The following LAMA2 variants were observed in gnomAD, a reference collection of about 807,000 sequenced individuals.
LAMA2 encodes the protein laminin subunit alpha 2, also known as laminin subunit alpha-2.
A neutral mutation model predicts 364.8 loss-of-function variants in LAMA2; 269 were observed. The observed-to-expected ratio is 0.74, with a 90% CI of 0.67 to 0.82. The LOEUF is 0.82. Among genes scored for constraint, LAMA2 ranks in the 40% least tolerant of loss-of-function variants. The probability of loss-of-function intolerance (pLI) is 0.00; values close to 1 mark genes in which losing one functional copy is unlikely to be tolerated. For synonymous variants in LAMA2, 1,379 were observed against 1,370.6 expected (o/e 1.01, Z -0.14); for missense variants, 3,807 against 3,873.2 (o/e 0.98, Z 0.45).
At chr6:129,191,919 G>A (rs1781541272) in intron 11 of LAMA2, among the ~76,000 whole-genome samples, 1 of 152,172 alleles carries the variant, frequency 6.6e-6, no homozygotes, top group African/African-American at 2.4e-5. Flanking sequence ...TAGAGGTGTA[G>A]CTGTAGGCCT....
chr6:129,111,939 T>G (rs1274784793), intron 4 of LAMA2, among the ~76,000 whole-genome samples: 2 of 152,092 alleles, frequency 1.3e-5, no homozygotes, highest in Middle Eastern at 3.4e-3. Flanking sequence ...GTTTGGGAAC[T>G]GTGTTGTTTT....
intron 1 of LAMA2, among the ~76,000 whole-genome samples, chr6:129,023,255 C>G (rs1395907029): frequency 6.6e-6 from 1 of 152,126 alleles, no homozygotes; most frequent in Non-Finnish European, 1.5e-5. Flanking sequence ...CATGTCTTTT[C>G]ACTCCATCTT....
rs371162111 is a variant in LAMA2, at chr6:129,442,232, C to G, written c.6269-831C>G. The G allele has an allele frequency of 7.2e-5, 95 of 1,312,062 alleles. No homozygotes were observed. The African/African-American group carries it at 1.4e-3, about 19-fold the overall frequency. The allele number at this position is 1,312,062 out of a possible 1,614,324, so 81.3% of individuals were successfully genotyped here. On this transcript the variant is annotated intron_variant, in intron 43 of 64. Transcript: ENST00000421865. ...CAGCATCCTAGCCTCAAATCAAATC[C>G]TATGGATGCTATGATATAATAGACA...
chr6:129,390,995 C>G (rs578237978), intron 35 of LAMA2, among the ~76,000 whole-genome samples: 1 of 152,186 alleles, frequency 6.6e-6, no homozygotes, highest in African/African-American at 2.4e-5. Context: ...TTCTTCACTC[C>G]TTTAAAAAAT....
intron 35 of LAMA2, among the ~76,000 whole-genome samples, chr6:129,390,206 T>G (rs1297343518): frequency 6.6e-6 from 1 of 152,174 alleles, no homozygotes. Context: ...GAAGGCTTGT[T>G]AAAGCCCAGA....
Position 129,007,078 on chromosome 6 carries a change from G to A in LAMA2, c.113-42840G>A, listed in dbSNP as rs550443347. Among the ~76,000 whole-genome samples, 3 of 152,212 alleles carry A rather than the reference G, an allele frequency of 2.0e-5. No individual in the cohort carries two copies. In the South Asian group the frequency reaches 6.2e-4, roughly 32 times the overall value. On this transcript the variant is annotated intron_variant, in intron 1 of 64. Coordinates refer to ENST00000421865, the MANE Select transcript of LAMA2 (RefSeq NM_000426.4). Reference sequence around the variant, plus strand: ...TACAGTGTTTCCACTGAAAGTTTAAGTGCCTGTTCCCCATCGTGGCTCCTG... The same window carrying A: ...TACAGTGTTTCCACTGAAAGTTTAAATGCCTGTTCCCCATCGTGGCTCCTG...
Position 129,402,428 on chromosome 6 carries a change from G to A in LAMA2, c.5667G>A (p.Lys1889=), listed in dbSNP as rs372916842. The A allele has an allele frequency of 1.9e-6, 3 of 1,613,984 alleles. No individual in the cohort carries two copies. In the African/African-American group the frequency reaches 4.0e-5, roughly 22 times the overall value. The part of the protein sequence containing the change: ...QEIKDRKLAE[K]VSQAESHAAQ... ...TAAAGGACAGGAAGCTTGCTGAGAA[G>A]GTGTCCCAGGCTGAGAGCCACGCAG... The change falls in exon 39 of 65, where the codon AAG becomes AAA. Residue 1889 remains lysine, a synonymous_variant. Transcript: ENST00000421865.
At chr6:129,042,031 G>A (rs1424022512) in intron 1 of LAMA2, among the ~76,000 whole-genome samples, 3 of 150,426 alleles carry the variant, frequency 2.0e-5, no homozygotes, top group East Asian at 3.9e-4. Context: ...AATGCCAGGC[G>A]TGGTGACTCA....
chr6:129,261,457 C>A (rs1212852337), intron 15 of LAMA2, among the ~76,000 whole-genome samples: 2 of 152,214 alleles, frequency 1.3e-5, no homozygotes, highest in East Asian at 3.9e-4. Flanking sequence ...CCTAAGGTAA[C>A]AATTTTTATT....
intron 3 of LAMA2, among the ~76,000 whole-genome samples, chr6:129,073,862 C>A (rs74810388): frequency 0.11 from 16,373 of 152,096 alleles, 912 homozygotes; most frequent in East Asian, 0.16. Flanking sequence ...TCTTTTCATG[C>A]ATTCCTGTTT....
chr6:129,513,643 T>C (rs980870660), intron 63 of LAMA2, among the ~76,000 whole-genome samples: 5 of 152,232 alleles, frequency 3.3e-5, no homozygotes, highest in African/African-American at 1.2e-4. Context: ...CTAATGTTTT[T>C]AGTGTTTCAA....
chr6:129,014,748 AAACCTC>A (rs574286466), intron 1 of LAMA2, among the ~76,000 whole-genome samples: 4 of 152,080 alleles, frequency 2.6e-5, no homozygotes, highest in Non-Finnish European at 5.9e-5. Flanking sequence ...ACATGTATTC[AAACCTC>A]AGCTCCCCCA....
intron 14 of LAMA2, among the ~76,000 whole-genome samples, chr6:129,259,908 T>G (rs1787003451): frequency 6.6e-6 from 1 of 152,134 alleles, no homozygotes; most frequent in East Asian, 1.9e-4. Context: ...GCTTTTAAGA[T>G]GTCCTTTTAC....
chr6:129,190,188 C>A lies in LAMA2; in HGVS notation c.1468-17C>A, dbSNP rs775213150. On this transcript the variant is annotated splice_polypyrimidine_tract_variant and intron_variant, in intron 10 of 64. Coordinates refer to ENST00000421865, the MANE Select transcript of LAMA2 (RefSeq NM_000426.4). ...TTGAAGGATACCTCTGTTGCTGATA[C>A]ATCTCTTTATTTGCAGGAAAATGTT... 2 of 1,612,404 alleles carry A rather than the reference C, an allele frequency of 1.2e-6. No homozygotes were observed. The highest frequency in any genetic ancestry group is 4.5e-5 in the East Asian group (2 of 44,848).
intron 1 of LAMA2, among the ~76,000 whole-genome samples, chr6:128,925,966 T>A (rs1190273058): frequency 6.6e-6 from 1 of 152,180 alleles, no homozygotes; most frequent in African/African-American, 2.4e-5. Flanking sequence ...ACATTCTTTG[T>A]GGTTCTGTCT....
chr6:129,202,286 A>G lies in LAMA2; in HGVS notation c.1782+9433A>G, dbSNP rs7755240. ...AGTTTCTTGTCAGACCCTATATGCT[A>G]TGGTCCAAATGTTGGTGTCCCCCTA... On this transcript the variant is annotated intron_variant, in intron 12 of 64. Coordinates refer to ENST00000421865, the MANE Select transcript of LAMA2 (RefSeq NM_000426.4). Among the ~76,000 whole-genome samples the G allele has an allele frequency of 1.2e-3, 181 of 152,042 alleles. 1 individual carries two copies. The highest frequency in any genetic ancestry group is 4.2e-3 in the African/African-American group (174 of 41,494).
Position 129,144,062 on chromosome 6 carries a change from C to A in LAMA2, c.801C>A (p.Asp267Glu). Residue 267 changes from aspartate to glutamate, a missense_variant, in exon 5 of 65, where the codon GAC becomes GAA. Physicochemically the swap from Asp to Glu is conservative, Grantham distance 45 (BLOSUM62 2). Coordinates refer to ENST00000421865, the MANE Select transcript of LAMA2 (RefSeq NM_000426.4). ...MFAHKDPREI[D>E]PIVTRRYYYS... ...CTCACAAAGACCCAAGAGAAATTGA[C>A]CCCATTGTCACCAGAAGAGTAAGTT... 1 of 1,612,010 alleles carries A rather than the reference C, an allele frequency of 6.2e-7. No homozygotes were observed. The highest frequency in any genetic ancestry group is 8.5e-7 in the Non-Finnish European group (1 of 1,178,566).
chr6:128,963,666 C>T (rs1397563743), intron 1 of LAMA2, among the ~76,000 whole-genome samples: 3 of 152,130 alleles, frequency 2.0e-5, no homozygotes, highest in Non-Finnish European at 4.4e-5. Context: ...GCTCTGTTAT[C>T]CCAGCTTCTA....
intron 16 of LAMA2, among the ~76,000 whole-genome samples, chr6:129,270,187 A>G (rs1419049379): frequency 6.6e-6 from 1 of 151,690 alleles, no homozygotes; most frequent in Non-Finnish European, 1.5e-5. Context: ...TTAAATCAGC[A>G]ATTTCAAGCT....
Sources: gnomAD v4.1 joint callset for allele counts (sites outside exome capture counted in the v4.1 genomes callset) on GRCh38, gnomAD v4.1.1 for gene constraint, MANE v1.5 for transcripts, NCBI Gene and HGNC (gene_info 2026-07-23, HGNC 2026-07-21) for gene names.